MTNR1A: variants seen among roughly 807,000 people sequenced by gnomAD.
MTNR1A encodes melatonin receptor type 1A.
MTNR1A carries 7 observed loss-of-function variants against 5.5 expected under a neutral mutation model. That is an observed-to-expected ratio of 1.28 (90% CI 0.73 to 2.40). The LOEUF (loss-of-function observed/expected upper bound fraction) is 2.40. Ranked by LOEUF, MTNR1A falls within the 30% of genes most tolerant of loss-of-function variation. The probability of loss-of-function intolerance (pLI) is 0.00; values close to 1 mark genes in which losing one functional copy is unlikely to be tolerated. For synonymous variants in MTNR1A, 196 were observed against 202.7 expected, an observed-to-expected ratio of 0.97 and a Z score of 0.28; for missense variants, 441 against 464.4, an observed-to-expected ratio of 0.95 and a Z score of 0.46.
chr4:186,539,143 G>A (rs1349552229), intron 1 of MTNR1A, among the ~76,000 whole-genome samples: 1 of 147,554 alleles, frequency 6.8e-6, no homozygotes, highest in Non-Finnish European at 1.5e-5. Context: ...CTTGAACCCA[G>A]AAGGCGAAGG....
chr4:186,534,345 GAC>G lies in MTNR1A; in HGVS notation c.395_396del (p.Ser132ThrfsTer92), dbSNP rs1194466771. ...CTGCTGTACAGTTTGTCGTACTTGA[GAC>G]TGTGGCAGATGTAGCAGTAGCGGTT... is the stretch of plus-strand genomic sequence containing the variant. ...AINRYCYICH[S>X]LKYDKLYSSK... On this transcript the variant is annotated frameshift_variant, in exon 2 of 2. Coordinates refer to ENST00000307161, the MANE Select transcript of MTNR1A (RefSeq NM_005958.4). LOFTEE classifies it low-confidence loss of function (END_TRUNC). 14 of 1,614,030 alleles carry G rather than the reference GAC, an allele frequency of 8.7e-6. No homozygotes were observed. The highest frequency in any genetic ancestry group is 1.1e-5 in the Non-Finnish European group (13 of 1,180,036).
In MTNR1A at chr4:186,534,279, T is replaced by C. The variant is rs1019516271; in HGVS notation, c.463A>G (p.Thr155Ala). Residue 155 changes from threonine (T) to alanine (A), a missense_variant, in exon 2 of 2, where the codon ACG becomes GCG. Transcript: ENST00000307161. ...LCYVLLIWLL[T>A]LAAVLPNLRA... ...AGGTTGGGCAGGACGGCCGCCAGCG[T>C]CAGGAGCCATATGAGGAGCACGTAG... The C allele has an allele frequency of 6.2e-7, 1 of 1,614,112 alleles. No individual in the cohort carries two copies. The highest frequency in any genetic ancestry group is 8.5e-7 in the Non-Finnish European group (1 of 1,180,020).
At position 186,541,619 on chromosome 4, in the gene MTNR1A, G is replaced by A. The variant is rs551384462; in HGVS notation, c.185-7062C>T. 4.6e-5 allele frequency among the ~76,000 whole-genome samples: 7 copies of A among 152,290 alleles called. No homozygotes were observed. In the East Asian group the frequency reaches 5.8e-4, roughly 13 times the overall value. Reference sequence around the variant, plus strand: ...GAGCAGCATATGAGCAAGCATTACCGCCTAAGCTCCCCCTCCTGTCAGCTC... The same window carrying A: ...GAGCAGCATATGAGCAAGCATTACCACCTAAGCTCCCCCTCCTGTCAGCTC... On this transcript the variant is annotated intron_variant, in intron 1 of 1. Transcript: ENST00000307161.
At chr4:186,541,564 T>C (rs1239306214) in intron 1 of MTNR1A, among the ~76,000 whole-genome samples, 1 of 152,104 alleles carries the variant, frequency 6.6e-6, no homozygotes, top group African/African-American at 2.4e-5. Flanking sequence ...GTCCGTGACC[T>C]GTTAGGAACC....
intron 1 of MTNR1A, among the ~76,000 whole-genome samples, chr4:186,554,519 G>T (rs1280714839): frequency 1.3e-5 from 2 of 152,180 alleles, no homozygotes; most frequent in Non-Finnish European, 2.9e-5. Context: ...ATTGCTCGGA[G>T]GAAAAAGCAA....
At chr4:186,544,605 C>T (rs1737098739) in intron 1 of MTNR1A, among the ~76,000 whole-genome samples, 1 of 152,188 alleles carries the variant, frequency 6.6e-6, no homozygotes, top group African/African-American at 2.4e-5. Context: ...TTTTCATGAA[C>T]AATGAAAATG....
At chr4:186,548,989 T>C (rs1039573467) in intron 1 of MTNR1A, among the ~76,000 whole-genome samples, 2 of 150,824 alleles carry the variant, frequency 1.3e-5, no homozygotes, top group African/African-American at 2.4e-5. Flanking sequence ...AAAAGATAAG[T>C]AAATAATAAA....
intron 1 of MTNR1A, among the ~76,000 whole-genome samples, chr4:186,551,545 G>A (rs1482992917): frequency 1.3e-5 from 2 of 152,064 alleles, no homozygotes; most frequent in Non-Finnish European, 2.9e-5. Flanking sequence ...GTAGGTAGGT[G>A]GATGGATGGA....
Position 186,547,360 on chromosome 4 carries a change from G to A in MTNR1A, c.184+7822C>T, listed in dbSNP as rs113875409. On this transcript the variant is annotated intron_variant, in intron 1 of 1. Coordinates refer to ENST00000307161, the MANE Select transcript of MTNR1A (RefSeq NM_005958.4). Reference sequence around the variant, plus strand: ...ACACCGTCCTCCTCACACCCTGTTCGTGGGACACACTGTCCACACCACACC... The same window carrying A: ...ACACCGTCCTCCTCACACCCTGTTCATGGGACACACTGTCCACACCACACC... Among the ~76,000 whole-genome samples the A allele has an allele frequency of 5.2e-3, 724 of 138,016 alleles. 24 individuals carry two copies. Among genetic ancestry groups the A allele is most frequent in the African/African-American group, 0.02 (669 of 33,072 alleles). 90.5% of individuals were successfully genotyped at this position (138,016 alleles called of 152,430 possible).
At chr4:186,545,152 T>C (rs1174001339) in intron 1 of MTNR1A, among the ~76,000 whole-genome samples, 2 of 152,126 alleles carry the variant, frequency 1.3e-5, no homozygotes, top group Non-Finnish European at 2.9e-5. Context: ...TCAGGTTCTG[T>C]TTCTAGCAAA....
At chr4:186,554,271 A>C (rs1737325820) in intron 1 of MTNR1A, among the ~76,000 whole-genome samples, 1 of 152,198 alleles carries the variant, frequency 6.6e-6, no homozygotes. Flanking sequence ...GCCTCCCCAA[A>C]AGGAGCTAAG....
intron 1 of MTNR1A, among the ~76,000 whole-genome samples, chr4:186,547,250 A>G (rs1356633342): frequency 1.2e-5 from 1 of 80,022 alleles, no homozygotes; most frequent in Non-Finnish European, 2.4e-5. Context: ...CACCGTCCAC[A>G]CCACACCCTG....
chr4:186,539,254 C>G (rs1366784265), intron 1 of MTNR1A, among the ~76,000 whole-genome samples: 3 of 148,570 alleles, frequency 2.0e-5, no homozygotes, highest in South Asian at 2.1e-4. Flanking sequence ...TATTCACCTT[C>G]CAAGGTGAAA....
intron 1 of MTNR1A, 103 bp from the exon 2 acceptor site, chr4:186,534,660 AC>A: frequency 7.0e-7 from 1 of 1,429,638 alleles, no homozygotes; most frequent in African/African-American, 1.4e-5. Flanking sequence ...CGATGACCTG[AC>A]GTCACAGCGG....
rs957304596 is a variant in MTNR1A, at chr4:186,555,163, G to A, written c.184+19C>T. The A allele has an allele frequency of 1.3e-6, 2 of 1,584,522 alleles. No individual in the cohort carries two copies. The highest frequency in any genetic ancestry group is 1.2e-5 in the South Asian group (1 of 86,918). The stretch of plus-strand genomic sequence containing the variant: ...CTGCGTCCGGAGCGCTGGCCCAGGG[G>A]AGGCGGCGCGGGCCCTACCTGCGTT... On this transcript the variant is annotated intron_variant, in intron 1 of 1. Coordinates refer to ENST00000307161, the MANE Select transcript of MTNR1A (RefSeq NM_005958.4). The surrounding 1 kb of genome is among the most constrained non-coding windows in gnomAD (Gnocchi z 4.1).
chr4:186,546,656 C>G (rs1211257111), intron 1 of MTNR1A, among the ~76,000 whole-genome samples: 1 of 147,754 alleles, frequency 6.8e-6, no homozygotes, highest in Non-Finnish European at 1.5e-5. Flanking sequence ...CTGTTCATGC[C>G]ACCCACATCA....
rs570490982 is a variant in MTNR1A at position 186,540,273 on chromosome 4, A to G, written c.185-5716T>C. On this transcript the variant is annotated intron_variant, in intron 1 of 1. Transcript: ENST00000307161. ...CACAGCCAAACCGCATCAATGCTCAAGTCCCACAGTTGGCCCTGCAGACCC... is the reference window on the plus strand; with the variant it reads ...CACAGCCAAACCGCATCAATGCTCAGGTCCCACAGTTGGCCCTGCAGACCC... 2.6e-5 allele frequency among the ~76,000 whole-genome samples: 4 copies of G among 152,376 alleles called. No homozygotes were observed. The South Asian group carries it at 8.3e-4, about 32-fold the overall frequency.
Position 186,555,413 on chromosome 4 carries a change from C to G in MTNR1A, c.-48G>C. On this transcript the variant is annotated 5_prime_UTR_variant, in exon 1 of 2. Coordinates refer to ENST00000307161, the MANE Select transcript of MTNR1A (RefSeq NM_005958.4). This position sits in a 1 kb window ranked among gnomAD's most constrained non-coding sequence, Gnocchi z 4.1. The stretch of plus-strand genomic sequence containing the variant: ...GCGGGGCCATCGCCCGCCTCGTCCG[C>G]CCGCCCGACCACTTGTTAAGGCTCC... 7.5e-7 allele frequency: 1 copy of G among 1,335,432 alleles called. No homozygotes were observed. The highest frequency in any genetic ancestry group is 9.6e-7 in the Non-Finnish European group (1 of 1,040,604). The allele number at this position is 1,335,432 out of a possible 1,614,324, so 82.7% of individuals were successfully genotyped here.
chr4:186,545,068 C>G (rs1295495106), intron 1 of MTNR1A, among the ~76,000 whole-genome samples: 1 of 152,198 alleles, frequency 6.6e-6, no homozygotes. Context: ...CTGCCCTGAT[C>G]TGCTCTCCTC....
Sources: gnomAD v4.1 joint callset for allele counts (sites outside exome capture counted in the v4.1 genomes callset) on GRCh38, gnomAD v4.1.1 for gene constraint, Gnocchi (gnomAD v3.1) non-coding constraint, MANE v1.5 for transcripts, NCBI Gene and HGNC (gene_info 2026-07-23, HGNC 2026-07-21) for gene names.